The following FBLN7 variants were observed in gnomAD, a reference collection of about 807,000 sequenced individuals.
The protein encoded by FBLN7 is fibulin 7, also known as fibulin-7.
FBLN7 carries 31 observed loss-of-function variants against 44.0 expected under a neutral mutation model. That is an observed-to-expected ratio of 0.70 (90% CI 0.53 to 0.95). The LOEUF is 0.95. Ranked by LOEUF, FBLN7 falls within the 40% of genes least tolerant of loss-of-function variation. FBLN7 has a pLI of 0.00. For synonymous variants in FBLN7, 262 were observed against 253.4 expected (o/e 1.03, Z -0.32); for missense variants, 573 against 618.5 (o/e 0.93, Z 0.78).
the FBLN7 span, chr2:112,236,742 C>T: frequency 2.0e-6 from 3 of 1,521,916 alleles, no homozygotes; most frequent in South Asian, 3.6e-5. Context: ...GTTACAATAG[C>T]AGTTTACTTT....
At chr2:112,210,943 G>T in the FBLN7 span, among the ~76,000 whole-genome samples, 10 of 152,132 alleles carry the variant, frequency 6.6e-5, no homozygotes, top group African/African-American at 2.4e-4. Flanking sequence ...TGAGGGCTAC[G>T]GTGGGAAGAT....
intron 3 of FBLN7, among the ~76,000 whole-genome samples, chr2:112,167,274 C>T (rs1573803920): frequency 6.6e-6 from 1 of 152,124 alleles, no homozygotes; most frequent in African/African-American, 2.4e-5. Flanking sequence ...GAGATAGATA[C>T]AAAACACTGG....
At chr2:112,174,103 C>T (rs1682615975) in intron 3 of FBLN7, among the ~76,000 whole-genome samples, 1 of 152,272 alleles carries the variant, frequency 6.6e-6, no homozygotes, top group Non-Finnish European at 1.5e-5. Context: ...TTCACATTTT[C>T]TGGCTCTCTG....
intron 2 of FBLN7, 50 bp downstream of exon 2, chr2:112,159,885 C>G (rs761154225): frequency 1.4e-6 from 2 of 1,441,608 alleles, no homozygotes; most frequent in Non-Finnish European, 1.8e-6. Context: ...CACTCGAGCA[C>G]TCTCCCCGAG....
the FBLN7 span, among the ~76,000 whole-genome samples, chr2:112,218,864 A>G: frequency 1.3e-5 from 2 of 152,314 alleles, no homozygotes; most frequent in South Asian, 4.1e-4. Context: ...TCTGTTATTC[A>G]AGGGCCAAAT....
chr2:112,230,415 G>A, the FBLN7 span, among the ~76,000 whole-genome samples: 1 of 152,118 alleles, frequency 6.6e-6, no homozygotes, highest in Non-Finnish European at 1.5e-5. Flanking sequence ...ACAAGAGTTA[G>A]TATTTTTAAA....
the FBLN7 span, among the ~76,000 whole-genome samples, chr2:112,226,350 A>G: frequency 6.6e-6 from 1 of 152,044 alleles, no homozygotes; most frequent in African/African-American, 2.4e-5. Flanking sequence ...GCACTTTGGG[A>G]GGCTGAGGCG....
At chr2:112,153,650 C>T (rs1478635016) in intron 1 of FBLN7, among the ~76,000 whole-genome samples, 1 of 152,162 alleles carries the variant, frequency 6.6e-6, no homozygotes, top group African/African-American at 2.4e-5. Flanking sequence ...GGCCTGCTGG[C>T]AGGGGACCGG....
At position 112,175,788 on chromosome 2, in the gene FBLN7, A is replaced by G. The variant is rs745723366; in HGVS notation, c.481A>G (p.Ile161Val). Residue 161 changes from isoleucine (I) to valine (V), a missense_variant, in exon 4 of 8, where the codon ATT becomes GTT. Physicochemically the swap from Ile to Val is conservative, Grantham distance 29. Transcript: ENST00000331203. ...CVEGVNQYRC[I>V]CPPGRTGNRC... ...AGAAGGAGTCAACCAGTACAGATGCATTTGTCCTCCAGGAAGGACTGGGAA... is the reference window on the plus strand; with the variant it reads ...AGAAGGAGTCAACCAGTACAGATGCGTTTGTCCTCCAGGAAGGACTGGGAA... The G allele has an allele frequency of 7.4e-6, 12 of 1,614,184 alleles. No individual in the cohort carries two copies. The East Asian group carries it at 8.9e-5, about 12-fold the overall frequency.
the FBLN7 span, chr2:112,215,783 A>T: frequency 6.6e-6 from 1 of 152,218 alleles, no homozygotes; most frequent in African/African-American, 2.4e-5. Flanking sequence ...ACAAGTGTAT[A>T]ATCTGACTAC....
chr2:112,158,597 G>A (rs561870845), intron 1 of FBLN7, among the ~76,000 whole-genome samples: 10 of 152,026 alleles, frequency 6.6e-5, no homozygotes, highest in Admixed American at 1.3e-4. Context: ...CACCATGCCC[G>A]GCTAATTTTA....
intron 1 of FBLN7, among the ~76,000 whole-genome samples, chr2:112,156,264 G>A (rs1681418007): frequency 6.6e-6 from 1 of 152,180 alleles, no homozygotes; most frequent in African/African-American, 2.4e-5. Flanking sequence ...AGTCCATTGG[G>A]GTGGCCGGCG....
chr2:112,156,233 G>A (rs1558875478), intron 1 of FBLN7, among the ~76,000 whole-genome samples: 1 of 152,198 alleles, frequency 6.6e-6, no homozygotes, highest in South Asian at 2.1e-4. Context: ...CCACACAGGA[G>A]CCTGTGAGAA....
chr2:112,205,765 A>G, the FBLN7 span, among the ~76,000 whole-genome samples: 3 of 152,226 alleles, frequency 2.0e-5, no homozygotes, highest in East Asian at 5.8e-4. Context: ...GAGTCTTCAA[A>G]TTTTATTCTT....
rs992194607 is a variant in FBLN7, at chr2:112,187,682, A to T, written c.*176A>T. On this transcript the variant is annotated 3_prime_UTR_variant, in exon 8 of 8. Transcript: ENST00000331203. The surrounding 1 kb of genome is among the most constrained non-coding windows in gnomAD (Gnocchi z 5.1). ...CATGGAATAGCACGGAAGAGCAGCC[A>T]CAAAACTCAACTGCTGCCATCACTC... 3 of 732,782 alleles carry T rather than the reference A, an allele frequency of 4.1e-6. No individual in the cohort carries two copies. The African/African-American group carries it at 5.3e-5, about 13-fold the overall frequency. The allele number at this position is 732,782 out of a possible 1,614,324, so 45.4% of individuals were successfully genotyped here.
downstream of FBLN7, among the ~76,000 whole-genome samples, chr2:112,191,868 A>C (rs1026766387): frequency 6.6e-6 from 1 of 152,198 alleles, no homozygotes; most frequent in Non-Finnish European, 1.5e-5. Flanking sequence ...CATGGTTCCA[A>C]AGTCAAATCT....
the FBLN7 span, among the ~76,000 whole-genome samples, chr2:112,226,983 G>A: frequency 2.0e-5 from 3 of 152,126 alleles, no homozygotes; most frequent in Non-Finnish European, 2.9e-5. Flanking sequence ...GAAATCATTT[G>A]ATAAAACCCA....
chr2:112,147,584 C>T lies in FBLN7; in HGVS notation c.75+8854C>T, dbSNP rs79060453. 3.0e-3 allele frequency among the ~76,000 whole-genome samples: 462 copies of T among 152,340 alleles called. 3 individuals are homozygous for T. The highest frequency in any genetic ancestry group is 0.011 in the African/African-American group (438 of 41,578). ...CTTGTCCCTGGAGCCCAGACTCCCC[C>T]GGCCTCTCTGCATTTGGCTCCCGCC... On this transcript the variant is annotated intron_variant, in intron 1 of 7. Transcript: ENST00000331203.
the FBLN7 span, chr2:112,211,821 G>C: frequency 6.6e-6 from 1 of 152,044 alleles, no homozygotes; most frequent in African/African-American, 2.4e-5. Context: ...GTAAATGAGT[G>C]TTACAAATTT....
Sources: gnomAD v4.1 joint callset for allele counts (sites outside exome capture counted in the v4.1 genomes callset) on GRCh38, gnomAD v4.1.1 for gene constraint, Gnocchi (gnomAD v3.1) non-coding constraint, MANE v1.5 for transcripts, NCBI Gene and HGNC (gene_info 2026-07-23, HGNC 2026-07-21) for gene names.